The following UNC5C variants were observed in gnomAD, a reference collection of about 807,000 sequenced individuals.
The protein encoded by UNC5C is netrin receptor UNC5C.
Under a neutral mutation model 99.8 loss-of-function variants are expected in UNC5C, and 47 were observed. The ratio of observed to expected loss-of-function variants is 0.47; its 90% confidence interval spans 0.37 to 0.60. UNC5C has a LOEUF of 0.60. Ranked by LOEUF, UNC5C falls within the 20% of genes least tolerant of loss-of-function variation. The pLI, the probability that UNC5C is intolerant of heterozygous loss-of-function variation, is 0.00. For missense variants in UNC5C, 1,062 were observed against 1,165.9 expected, an observed-to-expected ratio of 0.91 and a Z score of 1.30; for synonymous variants, 487 against 452.2, an observed-to-expected ratio of 1.08 and a Z score of -0.98.
chr4:95,173,437 G>A (rs1483778984), intron 14 of UNC5C, among the ~76,000 whole-genome samples: 2 of 150,048 alleles, frequency 1.3e-5, no homozygotes, highest in African/African-American at 4.9e-5. Flanking sequence ...TTTATTGAGA[G>A]TTTTCAGCAT....
chr4:95,465,975 C>T (rs76986660), intron 1 of UNC5C, among the ~76,000 whole-genome samples: 1,751 of 152,166 alleles, frequency 0.012, 25 homozygotes, highest in African/African-American at 0.04. Context: ...AGGTATATAG[C>T]GACAAGCTAG....
chr4:95,351,330 G>GT (rs766324360), intron 1 of UNC5C, among the ~76,000 whole-genome samples: 1 of 70,868 alleles, frequency 1.4e-5, no homozygotes, highest in Non-Finnish European at 3.3e-5. Context: ...TTAGGGTTAG[G>GT]CTTTTTTTTT....
At chr4:95,275,519 A>C (rs1478645284) in intron 4 of UNC5C, among the ~76,000 whole-genome samples, 3 of 152,180 alleles carry the variant, frequency 2.0e-5, no homozygotes, top group Non-Finnish European at 4.4e-5. Context: ...AAAGTAAAAA[A>C]TGGTGATGTT....
intron 1 of UNC5C, among the ~76,000 whole-genome samples, chr4:95,435,696 C>A (rs879721209): frequency 6.6e-6 from 1 of 152,010 alleles, no homozygotes; most frequent in African/African-American, 2.4e-5. Flanking sequence ...TTTCAGATAA[C>A]CCTCCTTCCA....
chr4:95,414,551 G>A (rs1276836183), intron 1 of UNC5C, among the ~76,000 whole-genome samples: 3 of 152,230 alleles, frequency 2.0e-5, no homozygotes, highest in African/African-American at 7.2e-5. Context: ...AAGGTCCTTA[G>A]ACCAAGCTGT....
chr4:95,435,186 T>C (rs1446894961), intron 1 of UNC5C, among the ~76,000 whole-genome samples: 1 of 152,072 alleles, frequency 6.6e-6, no homozygotes, highest in Non-Finnish European at 1.5e-5. Context: ...AATTCTGATA[T>C]CCCTTTCAAG....
At chr4:95,360,478 A>G (rs112689298) in intron 1 of UNC5C, among the ~76,000 whole-genome samples, 1,884 of 152,292 alleles carry the variant, frequency 0.012, 41 homozygotes, top group African/African-American at 0.043. Context: ...TGAAATAAAT[A>G]AACAAACAGA....
At chr4:95,194,755 C>T (rs2149356898) in intron 12 of UNC5C, among the ~76,000 whole-genome samples, 1 of 152,246 alleles carries the variant, frequency 6.6e-6, no homozygotes, top group Non-Finnish European at 1.5e-5. Flanking sequence ...GACTGTTTTG[C>T]CATGTAGGGT....
At chr4:95,177,307 G>A (rs1431403134) in intron 14 of UNC5C, among the ~76,000 whole-genome samples, 1 of 152,150 alleles carries the variant, frequency 6.6e-6, no homozygotes, top group African/African-American at 2.4e-5. Flanking sequence ...AGTTGCCAGA[G>A]GATGAACTAA....
At chr4:95,506,394 G>A (rs1721922878) in intron 1 of UNC5C, among the ~76,000 whole-genome samples, 1 of 151,956 alleles carries the variant, frequency 6.6e-6, no homozygotes. Flanking sequence ...GCACATTCCA[G>A]TCAAAATATG....
chr4:95,278,402 C>G, intron 3 of UNC5C, 40 bp from the exon 4 acceptor site: 1 of 1,533,912 alleles, frequency 6.5e-7, no homozygotes, highest in Non-Finnish European at 9.0e-7. Context: ...CAAAATTAAA[C>G]AACATTTTCT....
rs761878993 is a variant in UNC5C at position 95,216,192 on chromosome 4, G to A, written c.1665C>T (p.Pro555=). 6.2e-7 allele frequency: 1 copy of A among 1,613,312 alleles called. No homozygotes were observed. Among genetic ancestry groups the A allele is most frequent in the Non-Finnish European group, 8.5e-7 (1 of 1,179,874 alleles). The change falls in exon 10 of 16, where the codon CCC becomes CCT. Residue 555 remains proline, a synonymous_variant. Transcript: ENST00000453304. Reference sequence around the variant, plus strand: ...CTCTCCCTTGGGGAATGGCCCCAGCGGGAATCAGCAAGCTGACTCCTGAAT... The same window carrying A: ...CTCTCCCTTGGGGAATGGCCCCAGCAGGAATCAGCAAGCTGACTCCTGAAT... The part of the protein sequence containing the change: ...VPNSGVSLLI[P]AGAIPQGRVY...
chr4:95,279,913 T>C (rs1294917022), intron 3 of UNC5C, among the ~76,000 whole-genome samples: 2 of 152,154 alleles, frequency 1.3e-5, no homozygotes, highest in East Asian at 3.9e-4. Flanking sequence ...CCTCAGATCA[T>C]CAGACATTAG....
intron 1 of UNC5C, among the ~76,000 whole-genome samples, chr4:95,436,096 A>G (rs1043328863): frequency 3.3e-5 from 5 of 151,930 alleles, no homozygotes; most frequent in African/African-American, 9.7e-5. Context: ...ATTTATATTA[A>G]AATAATTTTT....
intron 3 of UNC5C, among the ~76,000 whole-genome samples, chr4:95,290,129 A>AC (rs1224497229): frequency 6.6e-6 from 1 of 151,836 alleles, no homozygotes; most frequent in Non-Finnish European, 1.5e-5. Context: ...CAAAGTGAGA[A>AC]CCCCCATCTC....
intron 1 of UNC5C, among the ~76,000 whole-genome samples, chr4:95,523,740 T>G (rs1722424177): frequency 6.6e-6 from 1 of 152,174 alleles, no homozygotes; most frequent in African/African-American, 2.4e-5. Flanking sequence ...AAAAAACACA[T>G]GTAAACGTAG....
intron 1 of UNC5C, among the ~76,000 whole-genome samples, chr4:95,533,426 T>C (rs950310033): frequency 6.6e-6 from 1 of 151,556 alleles, no homozygotes; most frequent in Non-Finnish European, 1.5e-5. Flanking sequence ...AAAAATAATA[T>C]GAATAATATT....
chr4:95,497,474 T>C (rs527822057), intron 1 of UNC5C, among the ~76,000 whole-genome samples: 1 of 152,090 alleles, frequency 6.6e-6, no homozygotes, highest in South Asian at 2.1e-4. Context: ...TCAATGATCA[T>C]TCACCTGGGA....
At position 95,447,850 on chromosome 4, in the gene UNC5C, T is replaced by C. The variant is rs77852382; in HGVS notation, c.124+100884A>G. Among the ~76,000 whole-genome samples, 354 of 152,220 alleles carry C rather than the reference T, an allele frequency of 2.3e-3. 3 individuals are homozygous for C. The highest frequency in any genetic ancestry group is 0.01 in the Middle Eastern group (3 of 294). On this transcript the variant is annotated intron_variant, in intron 1 of 15. Coordinates refer to ENST00000453304, the MANE Select transcript of UNC5C (RefSeq NM_003728.4). ...ACGCAATGATAGGAAATAAATAGTC[T>C]ACCGTAAGGCAGACTGTAAAGAATA... is the stretch of plus-strand genomic sequence containing the variant.
Sources: allele counts gnomAD v4.1 joint callset (sites outside exome capture counted in the v4.1 genomes callset), GRCh38; gene constraint gnomAD v4.1.1; transcripts MANE v1.5; gene names NCBI Gene and HGNC (gene_info 2026-07-23, HGNC 2026-07-21).